PRCP: variants seen among roughly 807,000 people sequenced by gnomAD.
PRCP encodes the protein prolylcarboxypeptidase.
In PRCP, 46 loss-of-function variants were observed where a neutral mutation model predicts 54.2. The observed-to-expected ratio is 0.85, with a 90% CI of 0.67 to 1.09. PRCP has a LOEUF of 1.09. Among genes scored for constraint, PRCP ranks in the 50% least tolerant of loss-of-function variants. The pLI is 0.00. For missense variants in PRCP, 613 were observed against 596.8 expected, an observed-to-expected ratio of 1.03 and a Z score of -0.28; for synonymous variants, 240 against 212.2, an observed-to-expected ratio of 1.13 and a Z score of -1.14.
At chr11:82,831,024 C>G (rs1164371309) in intron 8 of PRCP, 1 of 106,672 alleles carries the variant, frequency 9.4e-6, no homozygotes, top group Non-Finnish European at 1.8e-5. Flanking sequence ...GAAAGCTAAA[C>G]CAGTCATTGG....
intron 2 of PRCP, among the ~76,000 whole-genome samples, chr11:82,857,084 T>C (rs1057410893): frequency 3.3e-5 from 5 of 150,206 alleles, no homozygotes; most frequent in African/African-American, 9.8e-5. Context: ...CCAAATCTTC[T>C]AGGAAAGAGC....
chr11:82,879,350 A>G (rs1158634120), intron 1 of PRCP, among the ~76,000 whole-genome samples: 1 of 152,128 alleles, frequency 6.6e-6, no homozygotes, highest in Non-Finnish European at 1.5e-5. Context: ...TGCATCACGT[A>G]GTTCTCGTGC....
chr11:82,872,476 A>T (rs1859503796), intron 1 of PRCP, among the ~76,000 whole-genome samples: 1 of 152,226 alleles, frequency 6.6e-6, no homozygotes, highest in African/African-American at 2.4e-5. Context: ...AGAAGAGACA[A>T]AGAGGCACAG....
At chr11:82,877,417 CG>C (rs902940180) in intron 1 of PRCP, among the ~76,000 whole-genome samples, 1 of 152,286 alleles carries the variant, frequency 6.6e-6, no homozygotes, top group Middle Eastern at 3.4e-3. Context: ...AGAGACCACA[CG>C]GCAGCCCCTC....
At chr11:82,864,057 G>C (rs577775817) in intron 1 of PRCP, among the ~76,000 whole-genome samples, 2 of 152,270 alleles carry the variant, frequency 1.3e-5, no homozygotes, top group African/African-American at 4.8e-5. Flanking sequence ...AATGTACCAG[G>C]CATAGTTCCA....
intron 8 of PRCP, chr11:82,829,765 T>C (rs554270310): frequency 1.3e-5 from 2 of 152,240 alleles, no homozygotes; most frequent in African/African-American, 2.4e-5. Context: ...AAAAATTTAC[T>C]GAATGAACTT....
intron 1 of PRCP, among the ~76,000 whole-genome samples, chr11:82,865,849 A>G (rs1015999369): frequency 3.3e-5 from 5 of 152,200 alleles, no homozygotes; most frequent in African/African-American, 1.2e-4. Context: ...TATGCCCTGA[A>G]AGGATGGACA....
In PRCP at chr11:82,860,086, G is replaced by A. The variant is rs776187178; in HGVS notation, c.200C>T (p.Thr67Ile). Residue 67 changes from threonine to isoleucine, a missense_variant, in exon 2 of 9, where the codon ACT (threonine) becomes ATT (isoleucine). By Grantham distance (89) the Thr-to-Ile change is moderately conservative. Transcript: ENST00000313010. ...AGCTACTAGGTACCGCTGATTAAAA[G>A]TTTTCACAGTATTAAATCCAAAATG... ...VDHFGFNTVK[T>I]FNQRYLVADK... 1 of 1,559,472 alleles carries A rather than the reference G, an allele frequency of 6.4e-7. No homozygotes were observed. Among genetic ancestry groups the A allele is most frequent in the South Asian group, 1.2e-5 (1 of 82,458 alleles).
At chr11:82,840,849 G>A (rs1858646933) in intron 6 of PRCP, 1 of 151,706 alleles carries the variant, frequency 6.6e-6, no homozygotes. Context: ...GTAAATAATA[G>A]GGCCTAGATT....
At position 82,838,393 on chromosome 11, in the gene PRCP, A is replaced by C. The variant is rs776632606; in HGVS notation, c.1268T>G (p.Val423Gly). 6.2e-7 allele frequency: 1 copy of C among 1,602,254 alleles called. No individual in the cohort carries two copies. The highest frequency in any genetic ancestry group is 1.1e-5 in the South Asian group (1 of 88,618). ...GKNISSHTNI[V>G]FSNGELDPWS... is the part of the protein sequence containing the mutation. ...TTGGACAGCAAAAACTCACCTGAAAACAATGTTTGTGTGTGAACTAATGTT... is the reference window on the plus strand; with the variant it reads ...TTGGACAGCAAAAACTCACCTGAAACCAATGTTTGTGTGTGAACTAATGTT... Residue 423 changes from valine (V) to glycine (G), a missense_variant, in exon 8 of 9, where the codon GTT becomes GGT. By Grantham distance (109) the Val-to-Gly change is moderately radical. Coordinates refer to ENST00000313010, the MANE Select transcript of PRCP (RefSeq NM_005040.4).
intron 1 of PRCP, among the ~76,000 whole-genome samples, chr11:82,886,199 A>G (rs968075973): frequency 6.6e-6 from 1 of 152,234 alleles, no homozygotes; most frequent in Non-Finnish European, 1.5e-5. Context: ...TGGTGTTAGG[A>G]GAACTAAAAT....
intron 1 of PRCP, among the ~76,000 whole-genome samples, chr11:82,891,333 C>A (rs1860005199): frequency 6.6e-6 from 1 of 152,198 alleles, no homozygotes; most frequent in Non-Finnish European, 1.5e-5. Flanking sequence ...CACTACCACA[C>A]TAATCCAAGC....
At chr11:82,849,311 C>G in intron 5 of PRCP, 93 bp from the exon 6 acceptor site, 4 of 1,392,724 alleles carry the variant, frequency 2.9e-6, no homozygotes, top group Non-Finnish European at 2.9e-6. Flanking sequence ...TTTTAGAAAA[C>G]TCAATCTTTT....
rs192567381 is a variant in PRCP, at chr11:82,835,045, C to G, written c.1274+3342G>C. ...TGCCATTGCACTTCAGCCTGGGCGA[C>G]AAGAGCAAAACTCTATCTCAAAAGA... On this transcript the variant is annotated intron_variant, in intron 8 of 8. Transcript: ENST00000313010. Among the ~76,000 whole-genome samples, 175 of 152,246 alleles carry G rather than the reference C, an allele frequency of 1.1e-3. 1 individual carries two copies. Among genetic ancestry groups the G allele is most frequent in the African/African-American group, 4.0e-3 (167 of 41,554 alleles).
Position 82,875,180 on chromosome 11 carries a change from T to A in PRCP, c.169-15063A>T, listed in dbSNP as rs1379539806. On this transcript the variant is annotated intron_variant, in intron 1 of 8. Coordinates refer to ENST00000313010, the MANE Select transcript of PRCP (RefSeq NM_005040.4). ...GAGGAACCCTATGGAGTAGAGAGGCTGTGTTTTCCCCACCATGCCTTACTG... is the reference window on the plus strand; with the variant it reads ...GAGGAACCCTATGGAGTAGAGAGGCAGTGTTTTCCCCACCATGCCTTACTG... 2.0e-5 allele frequency among the ~76,000 whole-genome samples: 3 copies of A among 152,234 alleles called. No individual in the cohort carries two copies. The East Asian group carries it at 5.8e-4, about 29-fold the overall frequency.
intron 1 of PRCP, among the ~76,000 whole-genome samples, chr11:82,880,893 T>C (rs1043388185): frequency 6.6e-6 from 1 of 150,544 alleles, no homozygotes; most frequent in African/African-American, 2.4e-5. Flanking sequence ...GGAAAACCTA[T>C]AAACTGCTAA....
intron 6 of PRCP, among the ~76,000 whole-genome samples, chr11:82,848,114 G>C (rs923829916): frequency 6.6e-6 from 1 of 152,142 alleles, no homozygotes; most frequent in African/African-American, 2.4e-5. Flanking sequence ...CAAAGGGGTG[G>C]TTAAATTAAA....
rs778284748 is a variant in PRCP, at chr11:82,900,363, G to C, written c.40C>G (p.Leu14Val). The part of the protein sequence containing the change: ...RALLLLLLSF[L>V]APWATIALRP... ...AGGGCTATGGTGGCCCAGGGCGCCA[G>C]AAAAGACAGAAGCAGGAGCAGGAGG... Residue 14 changes from leucine to valine, a missense_variant, in exon 1 of 9, where the codon CTG becomes GTG. Transcript: ENST00000313010. The C allele has an allele frequency of 6.6e-5, 107 of 1,613,932 alleles. 3 individuals are homozygous for C. The South Asian group carries it at 1.1e-3, about 17-fold the overall frequency.
chr11:82,865,316 T>G (rs534561698), intron 1 of PRCP, among the ~76,000 whole-genome samples: 2 of 152,196 alleles, frequency 1.3e-5, no homozygotes, highest in African/African-American at 4.8e-5. Flanking sequence ...AGGCGACACT[T>G]AAGAGTGAGT....
Sources: allele counts gnomAD v4.1 joint callset (sites outside exome capture counted in the v4.1 genomes callset), GRCh38; gene constraint gnomAD v4.1.1; transcripts MANE v1.5; gene names NCBI Gene and HGNC (gene_info 2026-07-23, HGNC 2026-07-21).